The following PTPRZ1 variants were observed in gnomAD, a reference collection of about 807,000 sequenced individuals.
The protein encoded by PTPRZ1 is protein tyrosine phosphatase receptor type Z1, also known as receptor-type tyrosine-protein phosphatase zeta.
In PTPRZ1, 82 loss-of-function variants were observed where a neutral mutation model predicts 214.1. The ratio of observed to expected loss-of-function variants is 0.38; its 90% confidence interval spans 0.32 to 0.46. PTPRZ1 has a LOEUF of 0.46. PTPRZ1 is among the 20% of genes least tolerant of loss of function. The pLI is 1.00. For synonymous variants in PTPRZ1, 945 were observed against 987.9 expected, an observed-to-expected ratio of 0.96 and a Z score of 0.81; for missense variants, 2,603 against 2,748.7, an observed-to-expected ratio of 0.95 and a Z score of 1.19.
chr7:122,032,131 T>G (rs1380812554), intron 15 of PTPRZ1: 1 of 152,160 alleles, frequency 6.6e-6, no homozygotes. Flanking sequence ...AGAAATTTAC[T>G]GCAAATTTAT....
Position 122,009,932 on chromosome 7 carries a change from G to A in PTPRZ1, c.1288-402G>A, listed in dbSNP as rs143450802. On this transcript the variant is annotated intron_variant, in intron 11 of 29. Transcript: ENST00000393386. The stretch of plus-strand genomic sequence containing the variant: ...CTTTGGTCTTTAAAATAGTTTCATC[G>A]CCAATTCTTATTACAATAAGCTAAT... Among the ~76,000 whole-genome samples the A allele has an allele frequency of 5.4e-3, 821 of 151,966 alleles. 5 individuals are homozygous for A. Among genetic ancestry groups the A allele is most frequent in the South Asian group, 0.023 (109 of 4,816 alleles).
chr7:122,019,635 T>C (rs1166860298), intron 13 of PTPRZ1, among the ~76,000 whole-genome samples: 1 of 152,178 alleles, frequency 6.6e-6, no homozygotes. Context: ...TAACAAGTAT[T>C]GTTTTTCAAT....
At chr7:121,942,659 G>A (rs1051363162) in intron 2 of PTPRZ1, among the ~76,000 whole-genome samples, 1 of 152,100 alleles carries the variant, frequency 6.6e-6, no homozygotes, top group Admixed American at 6.6e-5. Flanking sequence ...ATTTTAAAAA[G>A]TAAATTTAGT....
intron 1 of PTPRZ1, among the ~76,000 whole-genome samples, chr7:121,889,426 A>G (rs148593857): frequency 6.6e-5 from 10 of 152,302 alleles, no homozygotes; most frequent in African/African-American, 2.4e-4. Context: ...GCTGACTGTC[A>G]CATCTTTAGT....
In PTPRZ1 at chr7:121,936,775, T is replaced by C. The variant is rs548026144; in HGVS notation, c.124+8554T>C. Among the ~76,000 whole-genome samples the C allele has an allele frequency of 1.6e-4, 24 of 152,328 alleles. No homozygotes were observed. The South Asian group carries it at 5.0e-3, about 32-fold the overall frequency. On this transcript the variant is annotated intron_variant, in intron 2 of 29. Coordinates refer to ENST00000393386, the MANE Select transcript of PTPRZ1 (RefSeq NM_002851.3). ...TTGTCTTCTAGGGAATACAGTGACTTAGGCAAGAGACGTGGGGGCTTTGTG... is the reference window on the plus strand; with the variant it reads ...TTGTCTTCTAGGGAATACAGTGACTCAGGCAAGAGACGTGGGGGCTTTGTG...
intron 13 of PTPRZ1, among the ~76,000 whole-genome samples, chr7:122,020,854 T>G (rs1256873035): frequency 6.6e-6 from 1 of 152,090 alleles, no homozygotes; most frequent in Non-Finnish European, 1.5e-5. Flanking sequence ...AAAGGGTTCA[T>G]GCTTAGCAGA....
chr7:121,965,753 A>C (rs989241440), intron 2 of PTPRZ1, among the ~76,000 whole-genome samples: 1 of 152,174 alleles, frequency 6.6e-6, no homozygotes, highest in African/African-American at 2.4e-5. Context: ...AATTCCACTT[A>C]CTACATAGGT....
At chr7:122,046,754 T>G (rs1397253599) in intron 23 of PTPRZ1, among the ~76,000 whole-genome samples, 4 of 152,128 alleles carry the variant, frequency 2.6e-5, no homozygotes, top group Admixed American at 2.6e-4. Flanking sequence ...TACCTTATTT[T>G]TAGGTTACTG....
At chr7:121,973,841 TG>T (rs1306607083) in intron 4 of PTPRZ1, among the ~76,000 whole-genome samples, 8 of 143,806 alleles carry the variant, frequency 5.6e-5, no homozygotes, top group Admixed American at 7.4e-5. Flanking sequence ...GGCTGAGGCA[TG>T]GGAATCACTT....
At chr7:121,896,717 G>A (rs1460076866) in intron 1 of PTPRZ1, among the ~76,000 whole-genome samples, 1 of 151,768 alleles carries the variant, frequency 6.6e-6, no homozygotes, top group East Asian at 1.9e-4. Flanking sequence ...AGCTTGCAAT[G>A]AGCCAAGATC....
intron 13 of PTPRZ1, among the ~76,000 whole-genome samples, chr7:122,027,237 A>G (rs1032968265): frequency 6.6e-6 from 1 of 152,118 alleles, no homozygotes; most frequent in Non-Finnish European, 1.5e-5. Flanking sequence ...AAAGCTACTG[A>G]CAGGGCTTCT....
At position 122,041,025 on chromosome 7, in the gene PTPRZ1, T is replaced by G. The variant is rs945167647; in HGVS notation, c.5801+46T>G. 4 of 1,381,720 alleles carry G rather than the reference T, an allele frequency of 2.9e-6. No homozygotes were observed. In the African/African-American group the frequency reaches 5.8e-5, roughly 20 times the overall value. The allele number at this position is 1,381,720 out of a possible 1,614,324, so 85.6% of individuals were successfully genotyped here. On this transcript the variant is annotated intron_variant, in intron 21 of 29. Coordinates refer to ENST00000393386, the MANE Select transcript of PTPRZ1 (RefSeq NM_002851.3). ...TCTAAACCCATAGAATTGCTTATAC[T>G]TGCAAAAAGGAAATCAATGGAACAA...
intron 1 of PTPRZ1, among the ~76,000 whole-genome samples, chr7:121,904,067 T>G (rs1249736671): frequency 1.3e-5 from 2 of 151,964 alleles, no homozygotes; most frequent in African/African-American, 4.8e-5. Context: ...AGACTGCCTT[T>G]GAATATAAGT....
intron 2 of PTPRZ1, among the ~76,000 whole-genome samples, chr7:121,931,208 A>C (rs1237516984): frequency 6.6e-6 from 1 of 152,226 alleles, no homozygotes; most frequent in African/African-American, 2.4e-5. Flanking sequence ...TGTTGTTTTT[A>C]AGATAATGTT....
chr7:122,031,851 A>G (rs889531019), intron 15 of PTPRZ1: 14 of 172,524 alleles, frequency 8.1e-5, no homozygotes, highest in Non-Finnish European at 1.6e-4. Flanking sequence ...ATCTGAATTA[A>G]TAACAATGAT....
At position 122,010,416 on chromosome 7, in the gene PTPRZ1, A is replaced by G; in HGVS notation, c.1370A>G (p.Lys457Arg). Residue 457 changes from lysine to arginine, a missense_variant, in exon 12 of 30, where the codon AAG (lysine) becomes AGG (arginine). Physicochemically the swap from Lys to Arg is conservative, Grantham distance 26. Coordinates refer to ENST00000393386, the MANE Select transcript of PTPRZ1 (RefSeq NM_002851.3). Reference sequence around the variant, plus strand: ...AGTGCTACAAACCAAATCAGGAAAAAGGAACCCCAGATTTCTACCACAACA... The same window carrying G: ...AGTGCTACAAACCAAATCAGGAAAAGGGAACCCCAGATTTCTACCACAACA... The part of the protein sequence containing the change: ...RDSATNQIRK[K>R]EPQISTTTHY... 6.2e-7 allele frequency: 1 copy of G among 1,614,066 alleles called. No homozygotes were observed.
Position 122,042,608 on chromosome 7 carries a change from T to G in PTPRZ1, c.5802T>G (p.Ser1934Arg), listed in dbSNP as rs1405219495. The G allele has an allele frequency of 3.1e-6, 5 of 1,593,656 alleles. No individual in the cohort carries two copies. The highest frequency in any genetic ancestry group is 4.3e-6 in the Non-Finnish European group (5 of 1,166,580). Residue 1934 changes from serine (S) to arginine (R), a missense_variant and splice_region_variant, in exon 22 of 30, where the codon AGT becomes AGG. This residue lies in a region of PTPRZ1 where 1,913 missense variants were observed against 1,914.3 expected (regional missense o/e 1.00). Transcript: ENST00000393386. ...HAVGPVVVHC[S>R]AGVGRTGTYI... is the part of the protein sequence containing the mutation. ...ATTTATTTCTTGGTCTTCTCTTCAG[T>G]GCTGGAGTTGGAAGAACAGGCACAT...
At chr7:122,046,252 T>TA (rs1285681896) in intron 23 of PTPRZ1, among the ~76,000 whole-genome samples, 1 of 151,808 alleles carries the variant, frequency 6.6e-6, no homozygotes, top group African/African-American at 2.4e-5. Flanking sequence ...CCTGTCTCTA[T>TA]AAAAAAATTA....
intron 1 of PTPRZ1, among the ~76,000 whole-genome samples, chr7:121,911,269 A>C (rs994349752): frequency 1.3e-5 from 2 of 152,130 alleles, no homozygotes; most frequent in Non-Finnish European, 2.9e-5. Flanking sequence ...TTTGAAAATA[A>C]ATTATATTTC....
Sources: gnomAD v4.1 joint callset for allele counts (sites outside exome capture counted in the v4.1 genomes callset) on GRCh38, gnomAD v4.1.1 for gene constraint, gnomAD v4.1.1 regional missense constraint, MANE v1.5 for transcripts, NCBI Gene and HGNC (gene_info 2026-07-23, HGNC 2026-07-21) for gene names.